SNTG1: variants seen among roughly 807,000 people sequenced by gnomAD.
SNTG1 encodes gamma-1-syntrophin.
A neutral mutation model predicts 74.7 loss-of-function variants in SNTG1; 39 were observed. The ratio of observed to expected loss-of-function variants is 0.52; its 90% CI spans 0.40 to 0.68. SNTG1 has a LOEUF of 0.68. SNTG1 is among the 30% of genes least tolerant of loss of function. The pLI, the probability that SNTG1 is intolerant of heterozygous loss-of-function variation, is 0.00. For synonymous variants in SNTG1, 254 were observed against 217.1 expected (o/e 1.17, Z -1.49); for missense variants, 685 against 609.5 (o/e 1.12, Z -1.30).
chr8:50,470,030 C>A (rs1232535710), intron 8 of SNTG1, among the ~76,000 whole-genome samples: 2 of 152,154 alleles, frequency 1.3e-5, no homozygotes, highest in African/African-American at 4.8e-5. Context: ...TGGTAAGTCA[C>A]ACAATAGAAG....
intron 2 of SNTG1, among the ~76,000 whole-genome samples, chr8:50,356,126 CGGT>C: frequency 6.6e-6 from 1 of 152,044 alleles, no homozygotes; most frequent in Middle Eastern, 3.4e-3. Flanking sequence ...AGTTTTAACT[CGGT>C]GGGTTTGTTT....
intron 18 of SNTG1, among the ~76,000 whole-genome samples, chr8:50,777,834 T>G (rs2095645560): frequency 6.6e-6 from 1 of 152,098 alleles, no homozygotes. Context: ...GTATATCTCC[T>G]AAAGCTATCC....
chr8:50,731,177 T>A (rs900497053), intron 17 of SNTG1, among the ~76,000 whole-genome samples: 1 of 152,114 alleles, frequency 6.6e-6, no homozygotes, highest in Non-Finnish European at 1.5e-5. Context: ...CTGGGATATA[T>A]GCATTGTAAT....
At chr8:50,674,717 A>G (rs905980134) in intron 15 of SNTG1, among the ~76,000 whole-genome samples, 1 of 151,762 alleles carries the variant, frequency 6.6e-6, no homozygotes. Flanking sequence ...CTATTGAATT[A>G]GTTTGCTCTT....
chr8:50,552,838 G>T (rs2094434827), intron 11 of SNTG1, among the ~76,000 whole-genome samples: 1 of 152,156 alleles, frequency 6.6e-6, no homozygotes, highest in Non-Finnish European at 1.5e-5. Context: ...ATCTAAAGAT[G>T]CTTCCTACGA....
intron 17 of SNTG1, among the ~76,000 whole-genome samples, chr8:50,746,907 C>T (rs981982644): frequency 2.8e-4 from 41 of 147,664 alleles, no homozygotes; most frequent in African/African-American, 1.0e-3. Flanking sequence ...TTTTTATTTT[C>T]CCTGCAAAAC....
At chr8:50,634,831 C>G (rs2095028509) in intron 13 of SNTG1, among the ~76,000 whole-genome samples, 1 of 152,094 alleles carries the variant, frequency 6.6e-6, no homozygotes, top group African/African-American at 2.4e-5. Context: ...GTATAAACAT[C>G]CTCATCTCTG....
At chr8:50,018,418 G>A (rs780858556) in intron 1 of SNTG1, among the ~76,000 whole-genome samples, 1 of 151,974 alleles carries the variant, frequency 6.6e-6, no homozygotes, top group Non-Finnish European at 1.5e-5. Flanking sequence ...GTTAACAAAT[G>A]TTCCTGGGAC....
intron 2 of SNTG1, among the ~76,000 whole-genome samples, chr8:50,307,864 A>T (rs1229574386): frequency 6.6e-6 from 1 of 152,138 alleles, no homozygotes; most frequent in African/African-American, 2.4e-5. Context: ...TTCTAGCTTC[A>T]TGGCATTAGA....
chr8:50,734,757 C>CTA (rs1193603335), intron 17 of SNTG1, among the ~76,000 whole-genome samples: 3 of 110,994 alleles, frequency 2.7e-5, no homozygotes, highest in East Asian at 2.6e-4. Flanking sequence ...ATATAGATAT[C>CTA]TATATATATG....
intron 1 of SNTG1, among the ~76,000 whole-genome samples, chr8:49,983,392 C>A (rs894891524): frequency 5.3e-5 from 8 of 152,116 alleles, no homozygotes; most frequent in Non-Finnish European, 1.2e-4. Context: ...GTGTATATAT[C>A]ATTTATACTG....
chr8:50,379,491 T>C (rs2092446382), intron 2 of SNTG1, among the ~76,000 whole-genome samples: 1 of 152,006 alleles, frequency 6.6e-6, no homozygotes, highest in South Asian at 2.1e-4. Flanking sequence ...CAGCTATGCA[T>C]TGGGTGACTG....
intron 12 of SNTG1, among the ~76,000 whole-genome samples, chr8:50,576,940 T>C (rs1307918343): frequency 6.6e-6 from 1 of 152,150 alleles, no homozygotes; most frequent in African/African-American, 2.4e-5. Flanking sequence ...TTCTTTCTTA[T>C]ATTTCTTTTT....
intron 8 of SNTG1, among the ~76,000 whole-genome samples, chr8:50,486,401 C>G (rs1158737811): frequency 1.9e-4 from 24 of 126,466 alleles, no homozygotes; most frequent in Non-Finnish European, 3.9e-4. Context: ...ATTTTATTCT[C>G]TTTGAAGCAA....
intron 12 of SNTG1, among the ~76,000 whole-genome samples, chr8:50,579,737 T>G (rs904029465): frequency 1.1e-4 from 17 of 152,234 alleles, no homozygotes; most frequent in African/African-American, 4.1e-4. Flanking sequence ...CATGTGGTGT[T>G]TGCCCTTTGA....
intron 9 of SNTG1, among the ~76,000 whole-genome samples, chr8:50,523,064 G>C (rs2094193068): frequency 6.6e-6 from 1 of 152,144 alleles, no homozygotes; most frequent in Non-Finnish European, 1.5e-5. Context: ...TATGGTGACA[G>C]TATCTTTTCT....
At chr8:50,287,464 G>A (rs1369451623) in intron 2 of SNTG1, among the ~76,000 whole-genome samples, 1 of 152,148 alleles carries the variant, frequency 6.6e-6, no homozygotes, top group Non-Finnish European at 1.5e-5. Flanking sequence ...ACAGCACCAG[G>A]CCAGGGGACT....
chr8:49,986,957 G>A (rs988600760), intron 1 of SNTG1, among the ~76,000 whole-genome samples: 5 of 152,188 alleles, frequency 3.3e-5, no homozygotes, highest in Non-Finnish European at 5.9e-5. Context: ...AATAGATGCT[G>A]AGATTAAAAT....
chr8:49,947,498 C>T (rs188362717), intron 1 of SNTG1, among the ~76,000 whole-genome samples: 1 of 152,276 alleles, frequency 6.6e-6, no homozygotes, highest in East Asian at 1.9e-4. Flanking sequence ...TCCACTGATA[C>T]ACACGTACAC....
Sources: gnomAD v4.1 joint callset for allele counts (sites outside exome capture counted in the v4.1 genomes callset) on GRCh38, gnomAD v4.1.1 for gene constraint, MANE v1.5 for transcripts, NCBI Gene and HGNC (gene_info 2026-07-23, HGNC 2026-07-21) for gene names.